TMEM51: variants seen among roughly 807,000 people sequenced by gnomAD.
TMEM51 encodes transmembrane protein 51, also known as chromosome 1 open reading frame 72.
A neutral mutation model predicts 13.6 loss-of-function variants in TMEM51; 8 were observed. That is an observed-to-expected ratio of 0.59 (90% CI 0.35 to 1.07). The LOEUF is 1.07. Ranked by LOEUF, TMEM51 falls within the 50% of genes least tolerant of loss-of-function variation. The pLI is 0.02. For synonymous variants in TMEM51, 147 were observed against 144.4 expected (o/e 1.02, Z -0.13); for missense variants, 279 against 330.7 (o/e 0.84, Z 1.21).
At chr1:15,191,925 T>C in intron 1 of TMEM51, 2 of 531,332 alleles carry the variant, frequency 3.8e-6, no homozygotes, top group South Asian at 2.8e-5. Context: ...TTTCCAGAAG[T>C]TGTAGGCGTC....
intron 1 of TMEM51, among the ~76,000 whole-genome samples, chr1:15,181,446 C>T (rs1419995705): frequency 6.6e-6 from 1 of 151,512 alleles, no homozygotes; most frequent in African/African-American, 2.4e-5. Flanking sequence ...TGAACTACAT[C>T]CAGGGACTCT....
chr1:15,154,879 G>A (rs1429254923), intron 1 of TMEM51, among the ~76,000 whole-genome samples: 1 of 151,618 alleles, frequency 6.6e-6, no homozygotes, highest in Non-Finnish European at 1.5e-5. Context: ...CCCGGGCGCT[G>A]CCGGAGTGGG....
chr1:15,213,503 G>T (rs958016693), intron 2 of TMEM51, among the ~76,000 whole-genome samples: 36 of 152,150 alleles, frequency 2.4e-4, no homozygotes, highest in African/African-American at 8.2e-4. Context: ...CAGGAATAAT[G>T]TATGGGGGAG....
chr1:15,214,006 C>CTT (rs367871717), intron 2 of TMEM51, among the ~76,000 whole-genome samples: 9,407 of 124,062 alleles, frequency 0.076, 560 homozygotes, highest in South Asian at 0.11. Context: ...AGCACCCAGC[C>CTT]TTTTTTTTTT....
intron 1 of TMEM51, among the ~76,000 whole-genome samples, chr1:15,197,477 G>T (rs777694488): frequency 1.3e-5 from 2 of 152,076 alleles, no homozygotes; most frequent in Non-Finnish European, 2.9e-5. Context: ...GGGCTTCCCG[G>T]CCTCTCTGAC....
intron 1 of TMEM51, among the ~76,000 whole-genome samples, chr1:15,187,115 G>A (rs1205286413): frequency 6.6e-6 from 1 of 152,082 alleles, no homozygotes; most frequent in African/African-American, 2.4e-5. Context: ...GACCAGAGAG[G>A]CCACAGCTAT....
chr1:15,219,654 G>T lies in TMEM51; in HGVS notation c.673G>T (p.Val225Phe). Residue 225 changes from valine to phenylalanine, a missense_variant, in exon 4 of 4, where the codon GTC (valine) becomes TTC (phenylalanine). Transcript: ENST00000376008. The stretch of plus-strand genomic sequence containing the variant: ...TAGGATCAACCTCCCAGACAAAAAC[G>T]TCCCTCCTCCCTCGATAGAGCCTTT... Reference protein sequence around the residue: ...DFRINLPDKNVPPPSIEPLTP... With the variant: ...DFRINLPDKNFPPPSIEPLTP... 6.2e-7 allele frequency: 1 copy of T among 1,613,956 alleles called. No homozygotes were observed. The highest frequency in any genetic ancestry group is 8.5e-7 in the Non-Finnish European group (1 of 1,180,032).
chr1:15,216,157 C>T (rs558455605), intron 3 of TMEM51, among the ~76,000 whole-genome samples: 22 of 152,168 alleles, frequency 1.4e-4, no homozygotes, highest in Non-Finnish European at 3.1e-4. Context: ...CTGGGGTGGC[C>T]AGCATATTTG....
At chr1:15,157,240 G>C (rs567534603) in intron 1 of TMEM51, among the ~76,000 whole-genome samples, 1 of 152,302 alleles carries the variant, frequency 6.6e-6, no homozygotes, top group Non-Finnish European at 1.5e-5. Flanking sequence ...AAGACTGCTG[G>C]TTGGTCCTCA....
intron 1 of TMEM51, among the ~76,000 whole-genome samples, chr1:15,206,944 A>T (rs1363532010): frequency 1.3e-5 from 2 of 152,074 alleles, no homozygotes; most frequent in East Asian, 3.9e-4. Context: ...GTCCGTGGGG[A>T]GGTAGCCTGA....
chr1:15,193,575 C>CTTTTTTTTTTT lies in TMEM51; in HGVS notation c.-266-16905_-266-16895dup, dbSNP rs3078881. Among the ~76,000 whole-genome samples the CTTTTTTTTTTT allele has an allele frequency of 2.6e-3, 302 of 114,598 alleles. 10 individuals carry two copies. Among genetic ancestry groups the CTTTTTTTTTTT allele is most frequent in the African/African-American group, 5.2e-3 (146 of 28,072 alleles). The allele number at this position is 114,598 out of a possible 152,430, so 75.2% of individuals were successfully genotyped here. A position where few individuals can be genotyped will look rare whatever the true frequency, so the allele number is the denominator to read the frequency against. On this transcript the variant is annotated intron_variant, in intron 1 of 3. Transcript: ENST00000376008. The stretch of plus-strand genomic sequence containing the variant: ...CATTTTCTTTTTCTTTTCTTTCTTT[C>CTTTTTTTTTTT]TTTTTTTTTTTTTTTTTTTTGAGAC...
intron 1 of TMEM51, among the ~76,000 whole-genome samples, chr1:15,190,779 T>C (rs912804494): frequency 4.6e-5 from 7 of 152,060 alleles, no homozygotes; most frequent in African/African-American, 7.2e-5. Flanking sequence ...TTTTTGGTTT[T>C]TTGTTTTGTT....
chr1:15,197,871 G>A (rs1259311528), intron 1 of TMEM51, among the ~76,000 whole-genome samples: 1 of 146,370 alleles, frequency 6.8e-6, no homozygotes, highest in Non-Finnish European at 1.5e-5. Context: ...TGTGGTATCT[G>A]CACCCAGCCA....
intron 1 of TMEM51, among the ~76,000 whole-genome samples, chr1:15,193,099 C>G (rs985477943): frequency 1.3e-5 from 2 of 152,188 alleles, no homozygotes; most frequent in African/African-American, 4.8e-5. Context: ...CCAGGCACAG[C>G]ACCGGCGTAG....
Position 15,219,686 on chromosome 1 carries a change from T to G in TMEM51, c.705T>G (p.Pro235=). 1 of 1,613,786 alleles carries G rather than the reference T, an allele frequency of 6.2e-7. No individual in the cohort carries two copies. The highest frequency in any genetic ancestry group is 8.5e-7 in the Non-Finnish European group (1 of 1,180,020). The change falls in exon 4 of 4, where the codon CCT becomes CCG. Residue 235 remains proline, a synonymous_variant. Coordinates refer to ENST00000376008, the MANE Select transcript of TMEM51 (RefSeq NM_001136218.2). ...CTCCCTCGATAGAGCCTTTGACTCCTCCACCGCAGTATGATGAAGTCCAGG... is the reference window on the plus strand; with the variant it reads ...CTCCCTCGATAGAGCCTTTGACTCCGCCACCGCAGTATGATGAAGTCCAGG... ...VPPPSIEPLT[P]PPQYDEVQEK...
chr1:15,191,202 C>T lies in TMEM51; in HGVS notation c.-266-19288C>T, dbSNP rs561675941. On this transcript the variant is annotated intron_variant, in intron 1 of 3. Transcript: ENST00000376008. ...GAAGGTGGAAGAAGGTTCCAGCAGCCAACAAGGGCAGGTGGCCTCTAGAAG... is the reference window on the plus strand; with the variant it reads ...GAAGGTGGAAGAAGGTTCCAGCAGCTAACAAGGGCAGGTGGCCTCTAGAAG... 2.0e-5 allele frequency among the ~76,000 whole-genome samples: 3 copies of T among 152,318 alleles called. No homozygotes were observed. In the East Asian group the frequency reaches 5.8e-4, roughly 29 times the overall value.
rs1392623062 is a variant in TMEM51 at position 15,193,571 on chromosome 1, C to CTTTTTTTTTTT, written c.-266-16916_-266-16915insTTTTTTTTTTT. On this transcript the variant is annotated intron_variant, in intron 1 of 3. Transcript: ENST00000376008. ...ACAGCATTTTCTTTTTCTTTTCTTTCTTTCTTTTTTTTTTTTTTTTTTTTG... is the reference window on the plus strand; with the variant it reads ...ACAGCATTTTCTTTTTCTTTTCTTTCTTTTTTTTTTTTTTCTTTTTTTTTTTTTTTTTTTTG... Among the ~76,000 whole-genome samples, 35 of 80,606 alleles carry CTTTTTTTTTTT rather than the reference C, an allele frequency of 4.3e-4. 1 individual carries two copies. The highest frequency in any genetic ancestry group is 7.3e-4 in the African/African-American group (13 of 17,688). 52.9% of individuals were successfully genotyped at this position (80,606 alleles called of 152,430 possible).
intron 1 of TMEM51, among the ~76,000 whole-genome samples, chr1:15,167,065 C>T (rs552890007): frequency 1.3e-5 from 2 of 152,120 alleles, no homozygotes; most frequent in African/African-American, 4.8e-5. Context: ...CGGTGGCTCA[C>T]GCCTGTAATC....
chr1:15,195,979 G>A (rs1038171666), intron 1 of TMEM51, among the ~76,000 whole-genome samples: 1 of 152,164 alleles, frequency 6.6e-6, no homozygotes, highest in Non-Finnish European at 1.5e-5. Context: ...CTTACTCAAG[G>A]CAAAAAGTTC....
Sources: allele counts gnomAD v4.1 joint callset (sites outside exome capture counted in the v4.1 genomes callset), GRCh38; gene constraint gnomAD v4.1.1; transcripts MANE v1.5; gene names NCBI Gene and HGNC (gene_info 2026-07-23, HGNC 2026-07-21).